KLF12: variants seen among roughly 807,000 people sequenced by gnomAD.
The protein encoded by KLF12 is Krueppel-like factor 12.
KLF12 carries 9 observed loss-of-function variants against 37.8 expected under a neutral mutation model. That is an observed-to-expected ratio of 0.24 (90% CI 0.14 to 0.42). KLF12 has a LOEUF of 0.42. KLF12 is among the 10% of genes least tolerant of loss of function. The pLI is 1.00. For synonymous variants in KLF12, 208 were observed against 202.1 expected (o/e 1.03, Z -0.25); for missense variants, 411 against 516.0 (o/e 0.80, Z 1.97).
chr13:73,745,895 C>A (rs985378332), intron 6 of KLF12, among the ~76,000 whole-genome samples: 2 of 152,196 alleles, frequency 1.3e-5, no homozygotes, highest in Non-Finnish European at 2.9e-5. Flanking sequence ...ATCATTTTTA[C>A]ATTTCAAGGA....
intron 6 of KLF12, among the ~76,000 whole-genome samples, chr13:73,748,189 A>G (rs983391862): frequency 6.6e-6 from 1 of 152,212 alleles, no homozygotes; most frequent in Non-Finnish European, 1.5e-5. Context: ...TTGTAATCCC[A>G]TATCAGATTC....
chr13:74,258,161 TTGTGTG>T, the KLF12 span: 1,925 of 133,774 alleles, frequency 0.014, 24 homozygotes, highest in East Asian at 0.076. Context: ...ATTACTGTGT[TTGTGTG>T]TGTGTGTGTG....
At chr13:74,062,460 T>C (rs1220547059) in intron 1 of KLF12, among the ~76,000 whole-genome samples, 2 of 152,190 alleles carry the variant, frequency 1.3e-5, no homozygotes, top group African/African-American at 4.8e-5. Flanking sequence ...GCTTTTCTCT[T>C]AAGCATCTTT....
intron 1 of KLF12, among the ~76,000 whole-genome samples, chr13:74,076,863 T>C (rs981356621): frequency 6.6e-6 from 1 of 152,172 alleles, no homozygotes; most frequent in African/African-American, 2.4e-5. Context: ...GTTTTCATCA[T>C]TTAGCTCCCA....
chr13:74,280,825 CTTTT>C, the KLF12 span, among the ~76,000 whole-genome samples: 3 of 110,552 alleles, frequency 2.7e-5, no homozygotes, highest in Admixed American at 1.1e-4. Flanking sequence ...TTTCTTTTTT[CTTTT>C]TTTTTTTTTT....
At chr13:74,158,007 C>G in the KLF12 span, among the ~76,000 whole-genome samples, 1 of 152,130 alleles carries the variant, frequency 6.6e-6, no homozygotes, top group Admixed American at 6.5e-5. Context: ...CTTATTCTCA[C>G]GCAAATTTAA....
the KLF12 span, among the ~76,000 whole-genome samples, chr13:74,246,626 C>T: frequency 6.6e-6 from 1 of 152,214 alleles, no homozygotes; most frequent in Non-Finnish European, 1.5e-5. Context: ...TCTCTCTCCT[C>T]CGACATGAAC....
intron 6 of KLF12, among the ~76,000 whole-genome samples, chr13:73,717,029 G>A (rs553818022): frequency 6.6e-6 from 1 of 152,156 alleles, no homozygotes; most frequent in Non-Finnish European, 1.5e-5. Context: ...GCTGTAAAGG[G>A]CTAGATAGTA....
At chr13:73,927,408 G>A (rs867330229) in intron 3 of KLF12, among the ~76,000 whole-genome samples, 1 of 152,162 alleles carries the variant, frequency 6.6e-6, no homozygotes, top group Admixed American at 6.5e-5. Context: ...CCTTGGTACA[G>A]GATAAGCCCC....
At chr13:74,154,212 C>T in the KLF12 span, among the ~76,000 whole-genome samples, 4 of 146,086 alleles carry the variant, frequency 2.7e-5, no homozygotes, top group African/African-American at 1.0e-4. Context: ...TCCAGCCTGG[C>T]AACAGAGCAA....
At chr13:73,720,711 G>A (rs1406550840) in intron 6 of KLF12, among the ~76,000 whole-genome samples, 3 of 152,150 alleles carry the variant, frequency 2.0e-5, no homozygotes, top group Admixed American at 1.3e-4. Flanking sequence ...TAAACCCAGA[G>A]AGGCTCAAAA....
At chr13:73,953,422 A>G (rs1890711566) in intron 2 of KLF12, among the ~76,000 whole-genome samples, 1 of 152,228 alleles carries the variant, frequency 6.6e-6, no homozygotes, top group Non-Finnish European at 1.5e-5. Flanking sequence ...ACCAAAAAAC[A>G]AAATACAAAT....
the KLF12 span, among the ~76,000 whole-genome samples, chr13:74,180,508 T>C: frequency 1.3e-5 from 2 of 152,218 alleles, no homozygotes; most frequent in African/African-American, 4.8e-5. Flanking sequence ...CTGAAAACCA[T>C]CAGATTATGT....
intron 2 of KLF12, among the ~76,000 whole-genome samples, chr13:73,981,643 G>A (rs1281379631): frequency 3.9e-5 from 6 of 152,208 alleles, no homozygotes; most frequent in Admixed American, 3.3e-4. Context: ...AAATGGTTAT[G>A]TGTGAGACTG....
At chr13:74,081,419 C>T (rs1266267454) in intron 1 of KLF12, among the ~76,000 whole-genome samples, 1 of 152,166 alleles carries the variant, frequency 6.6e-6, no homozygotes, top group East Asian at 1.9e-4. Context: ...CAGGACTAAT[C>T]ATTCCCTAAA....
intron 3 of KLF12, among the ~76,000 whole-genome samples, chr13:73,874,850 T>C (rs1399710288): frequency 2.0e-5 from 3 of 151,990 alleles, no homozygotes; most frequent in Non-Finnish European, 4.4e-5. Context: ...CACTAATATG[T>C]TTTTTGGATT....
rs576057843 is a variant in KLF12, at chr13:73,848,210, C to G, written c.124-1837G>C. Among the ~76,000 whole-genome samples the G allele has an allele frequency of 5.9e-5, 9 of 152,210 alleles. No homozygotes were observed. In the South Asian group the frequency reaches 1.9e-3, roughly 32 times the overall value. On this transcript the variant is annotated intron_variant, in intron 3 of 7. Transcript: ENST00000377669. Reference sequence around the variant, plus strand: ...CTCCTGTCTACTTAGACACAAGATTCCTACATACATTTACAAATCAAGGAG... The same window carrying G: ...CTCCTGTCTACTTAGACACAAGATTGCTACATACATTTACAAATCAAGGAG...
At chr13:74,240,033 T>C in the KLF12 span, among the ~76,000 whole-genome samples, 2 of 152,058 alleles carry the variant, frequency 1.3e-5, no homozygotes, top group Non-Finnish European at 1.5e-5. Context: ...AGTTTCTTCC[T>C]AGTCTCGATG....
the KLF12 span, among the ~76,000 whole-genome samples, chr13:74,246,205 T>C: frequency 6.6e-6 from 1 of 152,186 alleles, no homozygotes; most frequent in Admixed American, 6.5e-5. Flanking sequence ...CTGTTTTAAA[T>C]GGATGACGCA....
Sources: allele counts gnomAD v4.1 joint callset (sites outside exome capture counted in the v4.1 genomes callset), GRCh38; gene constraint gnomAD v4.1.1; transcripts MANE v1.5; gene names NCBI Gene and HGNC (gene_info 2026-07-23, HGNC 2026-07-21).